Variants in DNMT3B observed in about 807,000 individuals in gnomAD.
DNMT3B encodes the protein DNA (cytosine-5)-methyltransferase 3B.
Under a neutral mutation model 120.2 loss-of-function variants are expected in DNMT3B, and 37 were observed. The observed-to-expected ratio is 0.31, with a 90% CI of 0.24 to 0.40. DNMT3B has a LOEUF of 0.40. Among genes scored for constraint, DNMT3B ranks in the 10% least tolerant of loss-of-function variants. DNMT3B has a pLI of 1.00. For synonymous variants in DNMT3B, 412 were observed against 442.8 expected (o/e 0.93, Z 0.87); for missense variants, 878 against 1,137.3 (o/e 0.77, Z 3.28).
Position 32,787,355 on chromosome 20 carries a change from C to G in DNMT3B, c.558C>G (p.Thr186=). 1 of 1,614,220 alleles carries G rather than the reference C, an allele frequency of 6.2e-7. No homozygotes were observed. Among genetic ancestry groups the G allele is most frequent in the Non-Finnish European group, 8.5e-7 (1 of 1,180,040 alleles). Residue 186 remains threonine, a synonymous_variant, in exon 6 of 23, where the codon ACC becomes ACG. Transcript: ENST00000328111. ...DTHGTPQSSS[T]PYARLAQDSQ... ...ATGGGACGCCCCAGAGCAGCAGTAC[C>G]CCCTACGCCCGCCTAGCCCAGGACA...
At chr20:32,798,758 G>A in intron 15 of DNMT3B, 115 bp downstream of exon 15, 6 of 1,449,984 alleles carry the variant, frequency 4.1e-6, no homozygotes, top group Non-Finnish European at 1.9e-6. Flanking sequence ...ACCTCTTGGA[G>A]CCTCAATGGC....
At chr20:32,799,406 G>A in intron 16 of DNMT3B, 78 bp downstream of exon 16, 1 of 1,506,244 alleles carries the variant, frequency 6.6e-7, no homozygotes, top group Non-Finnish European at 9.1e-7. Flanking sequence ...CATGGTTAAG[G>A]TGTCTGACAT....
chr20:32,772,792 C>G (rs1286183506), intron 1 of DNMT3B, among the ~76,000 whole-genome samples: 1 of 150,636 alleles, frequency 6.6e-6, no homozygotes, highest in Non-Finnish European at 1.5e-5. Flanking sequence ...TATTCCAGTG[C>G]GTTGACAAAC....
chr20:32,789,139 G>C (rs1979670684), intron 7 of DNMT3B, 127 bp downstream of exon 7: 1 of 1,401,476 alleles, frequency 7.1e-7, no homozygotes, highest in Non-Finnish European at 9.6e-7. Flanking sequence ...CTGTCTGGGA[G>C]GAAGGACAAA....
intron 1 of DNMT3B, among the ~76,000 whole-genome samples, chr20:32,777,769 A>G (rs1480544512): frequency 6.6e-6 from 1 of 152,194 alleles, no homozygotes; most frequent in Non-Finnish European, 1.5e-5. Context: ...GCTTTGTCTC[A>G]TAGGAACTGG....
chr20:32,791,731 G>A, intron 8 of DNMT3B, 23 bp downstream of exon 8: 1 of 1,611,570 alleles, frequency 6.2e-7, no homozygotes. Flanking sequence ...GAGGGAATGA[G>A]GGCTAAGCCC....
chr20:32,799,187 G>A, intron 15 of DNMT3B, 57 bp from the exon 16 acceptor site: 1 of 1,570,500 alleles, frequency 6.4e-7, no homozygotes, highest in South Asian at 1.2e-5. Flanking sequence ...CCCTCCCTCA[G>A]AGCTTGAGTC....
intron 20 of DNMT3B, among the ~76,000 whole-genome samples, chr20:32,803,663 G>C (rs533729080): frequency 6.6e-6 from 1 of 152,168 alleles, no homozygotes; most frequent in Non-Finnish European, 1.5e-5. Flanking sequence ...GATGGGGAAG[G>C]CTTCTCATTC....
chr20:32,769,064 A>G (rs1987559064), intron 1 of DNMT3B, among the ~76,000 whole-genome samples: 1 of 152,204 alleles, frequency 6.6e-6, no homozygotes, highest in Non-Finnish European at 1.5e-5. Context: ...CAAGGAGTAG[A>G]ACTGCATTAA....
chr20:32,765,802 C>A (rs1323996363), intron 1 of DNMT3B, among the ~76,000 whole-genome samples: 1 of 135,664 alleles, frequency 7.4e-6, no homozygotes, highest in Non-Finnish European at 1.5e-5. Flanking sequence ...GTCTCCCAGG[C>A]TGGAGTGCAG....
Position 32,795,497 on chromosome 20 carries a change from C to T in DNMT3B, c.1215C>T (p.Asn405=), listed in dbSNP as rs183617300. 85 of 1,614,194 alleles carry T rather than the reference C, an allele frequency of 5.3e-5. No homozygotes were observed. The East Asian group carries it at 1.9e-3, about 36-fold the overall frequency. ...APKRLKTNCY[N]NGKDRGDEDQ... ...AGCGCCTCAAGACAAATTGCTATAA[C>T]AACGGCAAAGACCGAGGGGATGAAG... Residue 405 remains asparagine, a synonymous_variant, in exon 11 of 23, where the codon AAC becomes AAT. Transcript: ENST00000328111.
chr20:32,781,890 TCA>T (rs1601079017), intron 3 of DNMT3B, among the ~76,000 whole-genome samples: 1 of 152,214 alleles, frequency 6.6e-6, no homozygotes, highest in East Asian at 1.9e-4. Flanking sequence ...AGTTGCAGTA[TCA>T]CAGTGGTTGT....
At chr20:32,772,887 T>TTTTTTTTTTTTTTTG in intron 1 of DNMT3B, among the ~76,000 whole-genome samples, 1 of 151,066 alleles carries the variant, frequency 6.6e-6, no homozygotes, top group African/African-American at 2.4e-5. Flanking sequence ...TTTTTTTTTT[T>TTTTTTTTTTTTTTTG]TTTTTGAGAT....
At chr20:32,775,210 T>C (rs1258247950) in intron 1 of DNMT3B, among the ~76,000 whole-genome samples, 2 of 152,224 alleles carry the variant, frequency 1.3e-5, no homozygotes, top group African/African-American at 4.8e-5. Flanking sequence ...TATTTTTTCT[T>C]TAAATCAATA....
chr20:32,767,127 G>T (rs569392282), intron 1 of DNMT3B, among the ~76,000 whole-genome samples: 1 of 151,786 alleles, frequency 6.6e-6, no homozygotes, highest in South Asian at 2.1e-4. Flanking sequence ...CCCAACCTCA[G>T]GTGATCTGCC....
chr20:32,772,819 G>A (rs1320510432), intron 1 of DNMT3B, among the ~76,000 whole-genome samples: 1 of 150,490 alleles, frequency 6.6e-6, no homozygotes, highest in Admixed American at 6.6e-5. Flanking sequence ...GTATATTTTG[G>A]TGTCATGCAC....
intron 12 of DNMT3B, among the ~76,000 whole-genome samples, chr20:32,796,568 G>C (rs1053812841): frequency 6.6e-6 from 1 of 152,134 alleles, no homozygotes; most frequent in Non-Finnish European, 1.5e-5. Flanking sequence ...CATCCTACTG[G>C]GGCAGCCCCT....
Position 32,799,103 on chromosome 20 carries a change from C to T in DNMT3B, c.1675-141C>T, listed in dbSNP as rs116094225. ...GTGGTACACACTTGTCTCCCCAATC[C>T]CCATCAAGCCTTCAGTGGGCTTTTT... is the stretch of plus-strand genomic sequence containing the variant. On this transcript the variant is annotated intron_variant, in intron 15 of 22. Transcript: ENST00000328111. The T allele has an allele frequency of 6.5e-4, 565 of 869,938 alleles. 3 individuals carry two copies. Among genetic ancestry groups the T allele is most frequent in the African/African-American group, 5.3e-3 (319 of 60,430 alleles). The allele number at this position is 869,938 out of a possible 1,614,324, so 53.9% of individuals were successfully genotyped here.
At chr20:32,793,181 C>T (rs572324149) in intron 9 of DNMT3B, among the ~76,000 whole-genome samples, 11 of 152,298 alleles carry the variant, frequency 7.2e-5, no homozygotes, top group African/African-American at 2.6e-4. Flanking sequence ...TCTAGAAATC[C>T]AGGACTTGTC....
Sources: allele counts gnomAD v4.1 joint callset (sites outside exome capture counted in the v4.1 genomes callset), GRCh38; gene constraint gnomAD v4.1.1; transcripts MANE v1.5; gene names NCBI Gene and HGNC (gene_info 2026-07-23, HGNC 2026-07-21).